Variants in PLXDC2 observed in about 807,000 individuals in gnomAD.
PLXDC2 encodes plexin domain-containing protein 2.
In PLXDC2, 40 loss-of-function variants were observed where a neutral mutation model predicts 68.9. That is an observed-to-expected ratio of 0.58 (90% CI 0.45 to 0.76). The LOEUF (loss-of-function observed/expected upper bound fraction) is 0.76. Among genes scored for constraint, PLXDC2 ranks in the 30% least tolerant of loss-of-function variants. The pLI is 0.00. For missense variants in PLXDC2, 644 were observed against 661.9 expected, an observed-to-expected ratio of 0.97 and a Z score of 0.30; for synonymous variants, 243 against 234.2, an observed-to-expected ratio of 1.04 and a Z score of -0.34.
intron 1 of PLXDC2, among the ~76,000 whole-genome samples, chr10:19,948,390 CTT>C (rs59867874): frequency 0.42 from 61,094 of 144,884 alleles, 12,847 homozygotes; most frequent in East Asian, 0.57. Context: ...TTCTTTCTTT[CTT>C]TTTTTTTTTT....
chr10:19,835,854 G>T (rs973502048), intron 1 of PLXDC2, among the ~76,000 whole-genome samples: 1 of 152,080 alleles, frequency 6.6e-6, no homozygotes, highest in African/African-American at 2.4e-5. Context: ...GCAGTAAGGT[G>T]GATGACGTGC....
chr10:19,983,767 A>G (rs1834592298), intron 1 of PLXDC2, among the ~76,000 whole-genome samples: 2 of 152,186 alleles, frequency 1.3e-5, no homozygotes, highest in Non-Finnish European at 2.9e-5. Flanking sequence ...CAGCAACACC[A>G]GGAGGCTCGT....
At chr10:19,938,567 T>A (rs554758553) in intron 1 of PLXDC2, among the ~76,000 whole-genome samples, 2 of 152,200 alleles carry the variant, frequency 1.3e-5, no homozygotes, top group South Asian at 4.2e-4. Flanking sequence ...CTCACCATCA[T>A]GAGAACAGCA....
intron 12 of PLXDC2, among the ~76,000 whole-genome samples, chr10:20,221,867 G>A (rs181535547): frequency 1.3e-5 from 2 of 152,186 alleles, no homozygotes; most frequent in East Asian, 1.9e-4. Flanking sequence ...AAATTTCTCT[G>A]TATTGTTGCA....
At chr10:20,034,033 G>T (rs981312721) in intron 2 of PLXDC2, among the ~76,000 whole-genome samples, 2 of 152,096 alleles carry the variant, frequency 1.3e-5, no homozygotes, top group Admixed American at 1.3e-4. Flanking sequence ...TGTGCAAGAC[G>T]TGAAAAAGTT....
intron 6 of PLXDC2, among the ~76,000 whole-genome samples, chr10:20,162,856 G>T (rs1361641250): frequency 6.9e-6 from 1 of 145,250 alleles, no homozygotes; most frequent in African/African-American, 2.5e-5. Context: ...TTGAGGCCAG[G>T]AGTTCCAGAC....
chr10:20,184,799 T>C (rs539656475), intron 9 of PLXDC2, among the ~76,000 whole-genome samples: 1 of 152,002 alleles, frequency 6.6e-6, no homozygotes, highest in South Asian at 2.1e-4. Flanking sequence ...GTGGGTATAT[T>C]TGCAGCATTA....
At chr10:20,217,362 A>C (rs549247084) in intron 10 of PLXDC2, 64 bp from the exon 11 acceptor site, 1 of 1,436,550 alleles carries the variant, frequency 7.0e-7, no homozygotes, top group Non-Finnish European at 9.4e-7. Flanking sequence ...AGCTTCTTTG[A>C]TGTAAGTTCT....
chr10:19,860,559 C>T (rs1012624200), intron 1 of PLXDC2, among the ~76,000 whole-genome samples: 3 of 152,130 alleles, frequency 2.0e-5, no homozygotes, highest in Non-Finnish European at 2.9e-5. Flanking sequence ...TCTCTGAAGG[C>T]ACCCTTTTCT....
chr10:20,104,266 G>A (rs542655081), intron 4 of PLXDC2, among the ~76,000 whole-genome samples: 1 of 152,232 alleles, frequency 6.6e-6, no homozygotes, highest in African/African-American at 2.4e-5. Context: ...TTACTTCTGG[G>A]CAATAGGATC....
intron 13 of PLXDC2, among the ~76,000 whole-genome samples, chr10:20,256,853 T>G (rs1224339043): frequency 6.6e-6 from 1 of 152,214 alleles, no homozygotes; most frequent in Admixed American, 6.5e-5. Flanking sequence ...TTAATTTATT[T>G]GTAATTGTGA....
chr10:19,831,699 G>A (rs376519943), intron 1 of PLXDC2, among the ~76,000 whole-genome samples: 9 of 152,002 alleles, frequency 5.9e-5, no homozygotes, highest in African/African-American at 1.7e-4. Flanking sequence ...TTTTCTGTTC[G>A]TGCATTACTT....
At chr10:20,017,004 C>T (rs1214799012) in intron 2 of PLXDC2, among the ~76,000 whole-genome samples, 1 of 152,202 alleles carries the variant, frequency 6.6e-6, no homozygotes, top group Non-Finnish European at 1.5e-5. Flanking sequence ...TTTTTACCTA[C>T]TTAGCTAGTT....
intron 1 of PLXDC2, among the ~76,000 whole-genome samples, chr10:19,856,064 C>T (rs539764531): frequency 1.8e-3 from 278 of 152,172 alleles, no homozygotes; most frequent in African/African-American, 6.4e-3. Flanking sequence ...CACTGCACTC[C>T]AGGCTGGGTG....
chr10:19,831,116 G>T (rs1211254582), intron 1 of PLXDC2, among the ~76,000 whole-genome samples: 2 of 151,960 alleles, frequency 1.3e-5, no homozygotes, highest in African/African-American at 4.8e-5. Flanking sequence ...ATTTGATAGG[G>T]CATATTATCA....
intron 5 of PLXDC2, among the ~76,000 whole-genome samples, chr10:20,144,182 G>T (rs1162926236): frequency 2.6e-5 from 4 of 152,054 alleles, no homozygotes; most frequent in African/African-American, 7.2e-5. Context: ...AATTTTCTGT[G>T]TATTTATCAT....
intron 9 of PLXDC2, among the ~76,000 whole-genome samples, chr10:20,203,920 A>G (rs919290479): frequency 2.6e-5 from 4 of 152,196 alleles, no homozygotes; most frequent in African/African-American, 9.6e-5. Context: ...TACAAGTAGC[A>G]TCAAGATCTT....
intron 4 of PLXDC2, among the ~76,000 whole-genome samples, chr10:20,106,435 T>C (rs902352878): frequency 1.3e-5 from 2 of 152,218 alleles, no homozygotes; most frequent in Non-Finnish European, 2.9e-5. Context: ...TTTTGAAAGA[T>C]AACTCTGACT....
At chr10:20,216,274 A>T (rs1159299107) in intron 10 of PLXDC2, among the ~76,000 whole-genome samples, 1 of 152,194 alleles carries the variant, frequency 6.6e-6, no homozygotes, top group Non-Finnish European at 1.5e-5. Context: ...GGATAGATGG[A>T]AAAAGGATAA....
Sources: allele counts gnomAD v4.1 joint callset (sites outside exome capture counted in the v4.1 genomes callset), GRCh38; gene constraint gnomAD v4.1.1; transcripts MANE v1.5; gene names NCBI Gene and HGNC (gene_info 2026-07-23, HGNC 2026-07-21).